Variants in SLIT1 observed in about 807,000 individuals in gnomAD.
The protein encoded by SLIT1 is slit homolog 1 protein.
SLIT1 carries 66 observed loss-of-function variants against 186.1 expected under a neutral mutation model. The observed-to-expected ratio is 0.35, with a 90% CI of 0.29 to 0.44. SLIT1 has a LOEUF of 0.44. Among genes scored for constraint, SLIT1 ranks in the 20% least tolerant of loss-of-function variants. SLIT1 has a pLI of 1.00. For synonymous variants in SLIT1, 761 were observed against 833.8 expected (o/e 0.91, Z 1.50); for missense variants, 1,638 against 2,037.4 (o/e 0.80, Z 3.77).
chr10:97,002,179 A>G lies in SLIT1; in HGVS notation c.4345T>C (p.Ser1449Pro), dbSNP rs1848315612. The change falls in exon 36 of 37, where the codon TCG (serine) becomes CCG (proline). Residue 1449 changes from serine to proline, a missense_variant. Ser to Pro is a moderately conservative substitution (Grantham distance 74). Around this residue, in one of 3 missense-constraint regions of SLIT1, gnomAD observed 220 missense variants for 211.3 expected, o/e 1.04. Coordinates refer to ENST00000266058, the MANE Select transcript of SLIT1 (RefSeq NM_003061.3). Reference sequence around the variant, plus strand: ...TGACCTTGCTCACACAGCTCGCCCGAAAAGCCGGGGTCACACACACAGTGT... The same window carrying G: ...TGACCTTGCTCACACAGCTCGCCCGGAAAGCCGGGGTCACACACACAGTGT... ...GAHCVCDPGFSGELCEQESEC... is the reference protein window; with the variant it reads ...GAHCVCDPGFPGELCEQESEC... The G allele has an allele frequency of 4.0e-6, 6 of 1,492,496 alleles. No individual in the cohort carries two copies. Among genetic ancestry groups the G allele is most frequent in the Non-Finnish European group, 3.6e-6 (4 of 1,114,516 alleles). 92.5% of individuals were successfully genotyped at this position (1,492,496 alleles called of 1,614,324 possible).
chr10:97,081,102 G>A (rs1849100475), intron 4 of SLIT1, among the ~76,000 whole-genome samples: 1 of 152,210 alleles, frequency 6.6e-6, no homozygotes, highest in African/African-American at 2.4e-5. Flanking sequence ...ACTCTGAGGG[G>A]CAGACTCTTT....
chr10:97,076,239 T>C (rs774476956), intron 4 of SLIT1, among the ~76,000 whole-genome samples: 3 of 152,182 alleles, frequency 2.0e-5, no homozygotes, highest in African/African-American at 7.2e-5. Flanking sequence ...ATCTCCAGCA[T>C]TGCCAGGAGG....
chr10:97,090,077 C>T (rs111258954), intron 4 of SLIT1, among the ~76,000 whole-genome samples: 1 of 152,204 alleles, frequency 6.6e-6, no homozygotes, highest in South Asian at 2.1e-4. Flanking sequence ...CATCCAGGCC[C>T]TCTCCATTCT....
intron 25 of SLIT1, among the ~76,000 whole-genome samples, chr10:97,030,475 T>C (rs1349085497): frequency 6.6e-6 from 1 of 152,224 alleles, no homozygotes; most frequent in Non-Finnish European, 1.5e-5. Context: ...GTAGGATAAC[T>C]GTGAGGCGCA....
At chr10:97,091,501 T>C (rs551789462) in intron 4 of SLIT1, among the ~76,000 whole-genome samples, 6 of 152,358 alleles carry the variant, frequency 3.9e-5, no homozygotes, top group Non-Finnish European at 7.3e-5. Context: ...TATTGAACTT[T>C]GTAGTTTTAT....
intron 11 of SLIT1, 112 bp downstream of exon 11, chr10:97,059,348 G>T: frequency 1.2e-6 from 1 of 858,014 alleles, no homozygotes; most frequent in South Asian, 1.4e-5. Context: ...GGGGCTGTGT[G>T]GAGGGGGGCA....
intron 2 of SLIT1, among the ~76,000 whole-genome samples, chr10:97,164,361 G>A (rs1242274800): frequency 6.6e-6 from 1 of 152,096 alleles, no homozygotes; most frequent in Non-Finnish European, 1.5e-5. Context: ...GCTCCCGCTG[G>A]AGGCCTGGGG....
At chr10:97,128,591 G>A (rs1849625077) in intron 4 of SLIT1, among the ~76,000 whole-genome samples, 1 of 152,200 alleles carries the variant, frequency 6.6e-6, no homozygotes, top group African/African-American at 2.4e-5. Flanking sequence ...TGCATTGTGT[G>A]TGCAGGATCC....
chr10:97,167,546 C>T (rs1233555533), intron 1 of SLIT1, among the ~76,000 whole-genome samples: 1 of 152,178 alleles, frequency 6.6e-6, no homozygotes, highest in East Asian at 1.9e-4. Context: ...AAACCGAATA[C>T]CATGTGGCCA....
intron 4 of SLIT1, among the ~76,000 whole-genome samples, chr10:97,150,436 C>T (rs1217741738): frequency 6.6e-6 from 1 of 152,056 alleles, no homozygotes. Context: ...GAGACAGGGT[C>T]GATAGGGTCA....
At position 97,060,578 on chromosome 10, in the gene SLIT1, G is replaced by A. The variant is rs1048916343; in HGVS notation, c.941+62C>T. The A allele has an allele frequency of 2.5e-6, 4 of 1,598,126 alleles. No individual in the cohort carries two copies. The East Asian group carries it at 6.7e-5, about 27-fold the overall frequency. ...CAGCGCCTACTCCAGCTCTTCACTG[G>A]CCCTCCAGAGCCAGGCCTGCCAAAG... On this transcript the variant is annotated intron_variant, in intron 9 of 36. Coordinates refer to ENST00000266058, the MANE Select transcript of SLIT1 (RefSeq NM_003061.3).
chr10:97,185,876 C>A lies in SLIT1; in HGVS notation c.-202G>T, dbSNP rs985384937. ...GCGGACGGAGGGAGGGCGCCTTGGG[C>A]GGAGGGGGCTCGGCTCCTCTGCCGT... On this transcript the variant is annotated 5_prime_UTR_variant, in exon 1 of 37. Coordinates refer to ENST00000266058, the MANE Select transcript of SLIT1 (RefSeq NM_003061.3). 21 of 503,698 alleles carry A rather than the reference C, an allele frequency of 4.2e-5. No individual in the cohort carries two copies. Among genetic ancestry groups the A allele is most frequent in the Admixed American group, 8.6e-5 (2 of 23,328 alleles). 31.2% of individuals were successfully genotyped at this position (503,698 alleles called of 1,614,324 possible). A position where few individuals can be genotyped will look rare whatever the true frequency, so the allele number is the denominator to read the frequency against.
At chr10:97,164,448 C>T (rs1039777777) in intron 2 of SLIT1, among the ~76,000 whole-genome samples, 6 of 152,136 alleles carry the variant, frequency 3.9e-5, no homozygotes, top group Non-Finnish European at 5.9e-5. Context: ...GCCTGGGAAG[C>T]GGCAGAGGTT....
At chr10:97,146,628 T>G (rs1377506883) in intron 4 of SLIT1, among the ~76,000 whole-genome samples, 1 of 148,818 alleles carries the variant, frequency 6.7e-6, no homozygotes, top group Admixed American at 6.9e-5. Flanking sequence ...CCTAAATAAC[T>G]GCCTTCATGT....
chr10:97,182,713 C>T (rs1850356132), intron 1 of SLIT1, among the ~76,000 whole-genome samples: 3 of 152,216 alleles, frequency 2.0e-5, no homozygotes, highest in Non-Finnish European at 4.4e-5. Context: ...TCTTTCCAGC[C>T]TCAAGTCCCA....
intron 4 of SLIT1, among the ~76,000 whole-genome samples, chr10:97,116,702 C>T (rs1354386385): frequency 6.6e-6 from 1 of 152,220 alleles, no homozygotes; most frequent in East Asian, 1.9e-4. Context: ...CCCAGGTGTT[C>T]CTGCCTCCTC....
At chr10:97,054,126 G>A (rs1435691347) in intron 13 of SLIT1, among the ~76,000 whole-genome samples, 3 of 151,692 alleles carry the variant, frequency 2.0e-5, no homozygotes, top group Admixed American at 6.6e-5. Context: ...GCTTACAATC[G>A]TGGCAGAAGG....
At chr10:97,097,705 T>C (rs1849306207) in intron 4 of SLIT1, among the ~76,000 whole-genome samples, 1 of 152,212 alleles carries the variant, frequency 6.6e-6, no homozygotes, top group African/African-American at 2.4e-5. Context: ...ACTCTGATCA[T>C]TCGTTCAGTT....
chr10:97,163,341 G>T, intron 3 of SLIT1, 39 bp downstream of exon 3: 1 of 1,576,362 alleles, frequency 6.3e-7, no homozygotes, highest in Non-Finnish European at 8.7e-7. Context: ...TCTCGTGCCA[G>T]CCCCCCGCCC....
Sources: allele counts gnomAD v4.1 joint callset (sites outside exome capture counted in the v4.1 genomes callset), GRCh38; gene constraint gnomAD v4.1.1; regional missense constraint gnomAD v4.1.1; transcripts MANE v1.5; gene names NCBI Gene and HGNC (gene_info 2026-07-23, HGNC 2026-07-21).